Variants in SLC11A2 observed in about 807,000 individuals in gnomAD.
The protein encoded by SLC11A2 is solute carrier family 11 member 2.
SLC11A2 carries 38 observed loss-of-function variants against 68.0 expected under a neutral mutation model. That is an observed-to-expected ratio of 0.56 (90% CI 0.43 to 0.73). The LOEUF is 0.73. Ranked by LOEUF, SLC11A2 falls within the 30% of genes least tolerant of loss-of-function variation. The pLI, the probability that SLC11A2 is intolerant of heterozygous loss-of-function variation, is 0.00. For synonymous variants in SLC11A2, 242 were observed against 250.6 expected (o/e 0.97, Z 0.32); for missense variants, 517 against 690.5 (o/e 0.75, Z 2.82).
In SLC11A2 at chr12:51,004,918, C is replaced by CA; in HGVS notation, c.310-12dup. ...AAGGATCCAGAGCAACTAAGAAGAA[C>CA]AAAATCTCCTGTAACACTCATTGAA... On this transcript the variant is annotated splice_polypyrimidine_tract_variant and intron_variant, in intron 4 of 15. Transcript: ENST00000262052. The CA allele has an allele frequency of 6.2e-7, 1 of 1,613,896 alleles. No individual in the cohort carries two copies. The highest frequency in any genetic ancestry group is 8.5e-7 in the Non-Finnish European group (1 of 1,179,896).
At chr12:50,955,828 T>C in the SLC11A2 span, among the ~76,000 whole-genome samples, 1 of 152,146 alleles carries the variant, frequency 6.6e-6, no homozygotes. Flanking sequence ...TGAACAGAAA[T>C]TAATTAATAA....
chr12:50,985,724 A>T (rs376626189), downstream of SLC11A2, among the ~76,000 whole-genome samples: 6 of 152,350 alleles, frequency 3.9e-5, 1 homozygote, highest in East Asian at 1.2e-3. Flanking sequence ...AAGTTTCAAC[A>T]TGGTAATGAT....
chr12:50,979,661 G>A (rs180814597), downstream of SLC11A2: 31 of 363,300 alleles, frequency 8.5e-5, no homozygotes, highest in East Asian at 2.3e-3. Flanking sequence ...TTGCAGGGTT[G>A]GCTGCTCTCA....
At chr12:51,013,985 C>A (rs1943435083) in intron 1 of SLC11A2, 1 of 152,004 alleles carries the variant, frequency 6.6e-6, no homozygotes, top group South Asian at 2.1e-4. Context: ...CCACACCCAG[C>A]TAATTTTTCT....
chr12:50,977,227 G>A (rs1311769056), downstream of SLC11A2, among the ~76,000 whole-genome samples: 6 of 152,134 alleles, frequency 3.9e-5, no homozygotes, highest in African/African-American at 7.2e-5. Flanking sequence ...GAAGCATCAC[G>A]CTACCTGACT....
At chr12:50,981,726 T>C, downstream of SLC11A2, 1 of 1,531,500 alleles carries the variant, frequency 6.5e-7, no homozygotes, top group African/African-American at 1.4e-5. Flanking sequence ...AGGCTGTCAG[T>C]CATCTAGACA....
chr12:50,981,485 G>A (rs139031575), downstream of SLC11A2: 269 of 425,676 alleles, frequency 6.3e-4, 2 homozygotes, highest in Non-Finnish European at 9.1e-4. Flanking sequence ...CCATAGGGGT[G>A]TGTGGCCATC....
At chr12:50,959,839 G>A in the SLC11A2 span, among the ~76,000 whole-genome samples, 2 of 152,004 alleles carry the variant, frequency 1.3e-5, no homozygotes, top group East Asian at 3.9e-4. Flanking sequence ...TAGTGGAGAT[G>A]GGATTTCACC....
At chr12:50,995,045 T>A in intron 10 of SLC11A2, 1 of 272,138 alleles carries the variant, frequency 3.7e-6, no homozygotes, top group Non-Finnish European at 7.1e-6. Context: ...GCACAGGAGC[T>A]CACGCCTGTA....
At chr12:50,991,356 G>A (rs1941129467) in intron 14 of SLC11A2, 2 of 570,394 alleles carry the variant, frequency 3.5e-6, no homozygotes, top group East Asian at 3.0e-5. Context: ...AACTTCAGTG[G>A]CTGAAGCTGA....
At chr12:50,953,504 C>G in the SLC11A2 span, among the ~76,000 whole-genome samples, 1 of 152,216 alleles carries the variant, frequency 6.6e-6, no homozygotes, top group Non-Finnish European at 1.5e-5. Flanking sequence ...TGGTAAATAT[C>G]TGAATGACTT....
At chr12:50,959,122 T>A in the SLC11A2 span, among the ~76,000 whole-genome samples, 1 of 152,148 alleles carries the variant, frequency 6.6e-6, no homozygotes, top group African/African-American at 2.4e-5. Context: ...ATATCCTCTT[T>A]TTTATTTTTT....
intron 8 of SLC11A2, among the ~76,000 whole-genome samples, chr12:50,997,679 CAAAAAAAAAAA>C (rs35477132): frequency 1.1e-4 from 5 of 44,974 alleles, no homozygotes; most frequent in African/African-American, 3.6e-4. Flanking sequence ...GACTCTGTCT[CAAAAAAAAAAA>C]AAAAAAAAAA....
chr12:50,991,212 G>A (rs1336059776), intron 14 of SLC11A2, among the ~76,000 whole-genome samples: 1 of 152,154 alleles, frequency 6.6e-6, no homozygotes, highest in Non-Finnish European at 1.5e-5. Flanking sequence ...GAAACGCAAT[G>A]AGCCATTTTA....
Position 50,988,024 on chromosome 12 carries a change from G to A in SLC11A2, c.*301C>T. 1 of 1,358,104 alleles carries A rather than the reference G, an allele frequency of 7.4e-7. No individual in the cohort carries two copies. The highest frequency in any genetic ancestry group is 9.7e-7 in the Non-Finnish European group (1 of 1,035,404). 84.1% of individuals were successfully genotyped at this position (1,358,104 alleles called of 1,614,324 possible). A position where few individuals can be genotyped will look rare whatever the true frequency, so the allele number is the denominator to read the frequency against. ...CTGGTTAAGAATCATGCATATCCTTGTCTCTCCGAAGGATAAACTGAGCTG... is the reference window on the plus strand; with the variant it reads ...CTGGTTAAGAATCATGCATATCCTTATCTCTCCGAAGGATAAACTGAGCTG... On this transcript the variant is annotated 3_prime_UTR_variant, in exon 16 of 16. Transcript: ENST00000262052.
In SLC11A2 at chr12:50,987,986, T is replaced by C. The variant is rs185716790; in HGVS notation, c.*339A>G. The C allele has an allele frequency of 1.4e-5, 18 of 1,308,828 alleles. No homozygotes were observed. The Admixed American group carries it at 4.1e-4, about 30-fold the overall frequency. The allele number at this position is 1,308,828 out of a possible 1,614,324, so 81.1% of individuals were successfully genotyped here. ...AATGTATTGCATTTTCCAATTTTTT[T>C]TTAACATATAGCCTGGTTAAGAATC... is the stretch of plus-strand genomic sequence containing the variant. On this transcript the variant is annotated 3_prime_UTR_variant, in exon 16 of 16. Transcript: ENST00000262052.
chr12:51,016,159 G>C (rs997588320), intron 1 of SLC11A2, among the ~76,000 whole-genome samples: 1 of 152,084 alleles, frequency 6.6e-6, no homozygotes, highest in East Asian at 1.9e-4. Flanking sequence ...CTAACACTTC[G>C]GGAGGCCAAG....
chr12:51,002,309 C>T (rs1368019871), intron 5 of SLC11A2, among the ~76,000 whole-genome samples: 2 of 152,044 alleles, frequency 1.3e-5, no homozygotes, highest in Non-Finnish European at 2.9e-5. Flanking sequence ...GATTGTGCCA[C>T]TGAACTCTAG....
At position 50,992,944 on chromosome 12, in the gene SLC11A2, G is replaced by A. The variant is rs746175802; in HGVS notation, c.1078-15C>T. The A allele has an allele frequency of 6.2e-7, 1 of 1,613,684 alleles. No homozygotes were observed. On this transcript the variant is annotated splice_polypyrimidine_tract_variant and intron_variant, in intron 11 of 15. Transcript: ENST00000262052. Reference sequence around the variant, plus strand: ...AGCACAACACCCTGTGAGAGGCCAAGAGGAAGGATATGATTGTGGCAATAA... The same window carrying A: ...AGCACAACACCCTGTGAGAGGCCAAAAGGAAGGATATGATTGTGGCAATAA...
Sources: allele counts gnomAD v4.1 joint callset (sites outside exome capture counted in the v4.1 genomes callset), GRCh38; gene constraint gnomAD v4.1.1; transcripts MANE v1.5; gene names NCBI Gene and HGNC (gene_info 2026-07-23, HGNC 2026-07-21).